Variants in STARD7 observed in about 807,000 individuals in gnomAD.
The protein encoded by STARD7 is StAR related lipid transfer domain containing 7, also known as stAR-related lipid transfer protein 7, mitochondrial.
Under a neutral mutation model 45.3 loss-of-function variants are expected in STARD7, and 30 were observed. That is an observed-to-expected ratio of 0.66 (90% confidence interval 0.50 to 0.90). The LOEUF is 0.90. STARD7 is among the 40% of genes least tolerant of loss of function. The pLI is 0.00. For synonymous variants in STARD7, 199 were observed against 183.0 expected (o/e 1.09, Z -0.70); for missense variants, 495 against 491.3 (o/e 1.01, Z -0.07).
chr2:96,204,594 G>A (rs913381037), intron 1 of STARD7, among the ~76,000 whole-genome samples: 6 of 152,088 alleles, frequency 3.9e-5, no homozygotes, highest in Non-Finnish European at 8.8e-5. Context: ...GGACAGGACA[G>A]GACATCAATT....
chr2:96,192,435 T>C lies in STARD7; in HGVS notation c.777A>G (p.Pro259=). 1.2e-6 allele frequency: 2 copies of C among 1,613,942 alleles called. No homozygotes were observed. Among genetic ancestry groups the C allele is most frequent in the African/African-American group, 1.3e-5 (1 of 75,030 alleles). The change falls in exon 6 of 8, where the codon CCA becomes CCG. Residue 259 remains proline (P), a synonymous_variant. Coordinates refer to ENST00000337288, the MANE Select transcript of STARD7 (RefSeq NM_020151.4). ...AVEHPSVPES[P]EFVRVRSYES... is the part of the protein sequence containing the mutation. Reference sequence around the variant, plus strand: ...CATATGATCTGACCCTGACGAATTCTGGAGACTCTGGCACACTCGGATGCT... The same window carrying C: ...CATATGATCTGACCCTGACGAATTCCGGAGACTCTGGCACACTCGGATGCT...
chr2:96,208,392 G>A lies in STARD7; in HGVS notation c.43C>T (p.Arg15Trp), dbSNP rs1683439051. The change falls in exon 1 of 8, where the codon CGG (arginine) becomes TGG (tryptophan). Residue 15 changes from arginine (R) to tryptophan (W), a missense_variant. By Grantham distance (101) the Arg-to-Trp change is moderately radical. Transcript: ENST00000337288. ...AGAAGCGCCAGCAGGCCCCCGCCCC[G>A]CGTCCCCGCCAGCCAGGCGGCCAGC... Reference protein sequence around the residue: ...RLLAAWLAGTRGGGLLALLAN... With the variant: ...RLLAAWLAGTWGGGLLALLAN... 11 of 1,471,652 alleles carry A rather than the reference G, an allele frequency of 7.5e-6. No homozygotes were observed. The highest frequency in any genetic ancestry group is 2.6e-5 in the Admixed American group (1 of 38,546). The allele number at this position is 1,471,652 out of a possible 1,614,324, so 91.2% of individuals were successfully genotyped here.
Position 96,185,252 on chromosome 2 carries a change from G to A in STARD7, c.*1478C>T, listed in dbSNP as rs1683016732. 1 of 152,606 alleles carries A rather than the reference G, an allele frequency of 6.6e-6. No homozygotes were observed. Among genetic ancestry groups the A allele is most frequent in the South Asian group, 2.1e-4 (1 of 4,822 alleles). The allele number at this position is 152,606 out of a possible 1,614,324, so 9.5% of individuals were successfully genotyped here. On this transcript the variant is annotated 3_prime_UTR_variant, in exon 8 of 8. Coordinates refer to ENST00000337288, the MANE Select transcript of STARD7 (RefSeq NM_020151.4). Reference sequence around the variant, plus strand: ...TCCAACAATGACGCGGAGAAGGCAAGACATACACTGGGGCAGCTACTTCCT... The same window carrying A: ...TCCAACAATGACGCGGAGAAGGCAAAACATACACTGGGGCAGCTACTTCCT...
At chr2:96,205,391 C>A (rs545673590) in intron 1 of STARD7, among the ~76,000 whole-genome samples, 1 of 152,178 alleles carries the variant, frequency 6.6e-6, no homozygotes, top group African/African-American at 2.4e-5. Flanking sequence ...AAAAAGACAC[C>A]CTGCACATTC....
intron 1 of STARD7, 75 bp from the exon 2 acceptor site, chr2:96,195,624 T>G: frequency 8.5e-7 from 1 of 1,173,030 alleles, no homozygotes; most frequent in Non-Finnish European, 1.2e-6. Flanking sequence ...CAAAGGTCTG[T>G]GCAAGAAGGT....
intron 1 of STARD7, among the ~76,000 whole-genome samples, chr2:96,202,909 G>A (rs1369886939): frequency 6.6e-6 from 1 of 152,074 alleles, no homozygotes; most frequent in African/African-American, 2.4e-5. Flanking sequence ...TAAGAATCAA[G>A]GTGGTTCAGA....
At chr2:96,202,232 C>T (rs575946221) in intron 1 of STARD7, among the ~76,000 whole-genome samples, 74 of 152,246 alleles carry the variant, frequency 4.9e-4, no homozygotes, top group African/African-American at 1.7e-3. Context: ...AACACAAAGG[C>T]ACAGGATCTT....
chr2:96,194,584 C>T (rs572721966), intron 3 of STARD7, among the ~76,000 whole-genome samples: 26 of 152,070 alleles, frequency 1.7e-4, no homozygotes, highest in African/African-American at 3.4e-4. Flanking sequence ...TTAAGAAATA[C>T]GGCATATGGC....
At chr2:96,205,575 A>G (rs563008975) in intron 1 of STARD7, among the ~76,000 whole-genome samples, 1 of 152,338 alleles carries the variant, frequency 6.6e-6, no homozygotes, top group Admixed American at 6.5e-5. Flanking sequence ...GTGCTCCATT[A>G]TGGAAGCTAC....
At chr2:96,192,306 A>G (rs1315992804) in intron 6 of STARD7, 63 bp downstream of exon 6, 3 of 1,257,296 alleles carry the variant, frequency 2.4e-6, no homozygotes, top group African/African-American at 2.9e-5. Flanking sequence ...AGTTCAGGTA[A>G]GACATCCCTT....
At chr2:96,187,635 G>A (rs750524439) in intron 6 of STARD7, 15 of 166,830 alleles carry the variant, frequency 9.0e-5, no homozygotes, top group Non-Finnish European at 1.5e-4. Flanking sequence ...CTAAGCAGAC[G>A]GTACTAAGTG....
intron 1 of STARD7, among the ~76,000 whole-genome samples, chr2:96,205,039 C>T (rs1683367116): frequency 6.6e-6 from 1 of 152,146 alleles, no homozygotes; most frequent in Admixed American, 6.6e-5. Flanking sequence ...TTTAACTGTT[C>T]CAAAGCAATC....
At chr2:96,208,097 C>A in intron 1 of STARD7, 48 bp downstream of exon 1, 2 of 1,485,182 alleles carry the variant, frequency 1.3e-6, no homozygotes, top group South Asian at 1.4e-5. Flanking sequence ...CCAGGGTTCA[C>A]AAGCCCCCCC....
intron 1 of STARD7, among the ~76,000 whole-genome samples, chr2:96,196,778 A>C (rs1683217347): frequency 6.6e-6 from 1 of 152,064 alleles, no homozygotes; most frequent in East Asian, 2.0e-4. Flanking sequence ...CTCTTAAAAA[A>C]TAAAATAGGC....
intron 2 of STARD7, 137 bp from the exon 3 acceptor site, chr2:96,195,144 G>A (rs1487734915): frequency 1.2e-6 from 1 of 866,684 alleles, no homozygotes; most frequent in Non-Finnish European, 1.8e-6. Flanking sequence ...TCTTAGTAGA[G>A]CAACAAAGAA....
At chr2:96,195,721 A>G (rs185693567) in intron 1 of STARD7, among the ~76,000 whole-genome samples, 172 bp from the exon 2 acceptor site, 2 of 152,310 alleles carry the variant, frequency 1.3e-5, no homozygotes, top group East Asian at 3.9e-4. Context: ...TCTTAGTCCA[A>G]CACTCACTAA....
intron 6 of STARD7, 80 bp downstream of exon 6, chr2:96,192,289 C>G: frequency 1.8e-6 from 2 of 1,105,172 alleles, no homozygotes; most frequent in East Asian, 2.4e-5. Flanking sequence ...CACACCCCCT[C>G]CTCCCTAGTT....
intron 1 of STARD7, among the ~76,000 whole-genome samples, chr2:96,196,176 T>C (rs1450643360): frequency 6.6e-6 from 1 of 150,666 alleles, no homozygotes; most frequent in Non-Finnish European, 1.5e-5. Flanking sequence ...AAGTGCTTAA[T>C]ATCTATGGCC....
At chr2:96,187,960 AAAATAAAT>A (rs898291841) in intron 6 of STARD7, 2 of 151,522 alleles carry the variant, frequency 1.3e-5, no homozygotes, top group African/African-American at 4.9e-5. Flanking sequence ...TCCGTCTCAA[AAAATAAAT>A]AAATAAATAA....
Sources: gnomAD v4.1 joint callset for allele counts (sites outside exome capture counted in the v4.1 genomes callset) on GRCh38, gnomAD v4.1.1 for gene constraint, MANE v1.5 for transcripts, NCBI Gene and HGNC (gene_info 2026-07-23, HGNC 2026-07-21) for gene names.